FBXO28: variants seen among roughly 807,000 people sequenced by gnomAD.
FBXO28 encodes the protein F-box only protein 28.
FBXO28 carries 8 observed loss-of-function variants against 38.1 expected under a neutral mutation model. The observed-to-expected ratio is 0.21, with a 90% CI of 0.12 to 0.38. The LOEUF is 0.38. Ranked by LOEUF, FBXO28 falls within the 10% of genes least tolerant of loss-of-function variation. The probability of loss-of-function intolerance (pLI) is 1.00; values close to 1 mark genes in which losing one functional copy is unlikely to be tolerated. For synonymous variants in FBXO28, 168 were observed against 173.8 expected (o/e 0.97, Z 0.26); for missense variants, 345 against 460.6 (o/e 0.75, Z 2.30).
chr1:224,149,989 A>G (rs1657602357), intron 3 of FBXO28, among the ~76,000 whole-genome samples: 1 of 152,256 alleles, frequency 6.6e-6, no homozygotes, highest in African/African-American at 2.4e-5. Flanking sequence ...GCCAGTTTGT[A>G]TCTATAGATG....
chr1:224,140,882 G>A (rs1050919599), intron 3 of FBXO28, among the ~76,000 whole-genome samples: 53 of 151,136 alleles, frequency 3.5e-4, no homozygotes, highest in African/African-American at 1.2e-3. Flanking sequence ...GGAGGTGGAG[G>A]TTGCAGTGAG....
intron 1 of FBXO28, among the ~76,000 whole-genome samples, chr1:224,119,960 C>A (rs3754091): frequency 0.25 from 38,259 of 151,998 alleles, 5,053 homozygotes; most frequent in East Asian, 0.47. Flanking sequence ...TTGAGAACCT[C>A]CAGGGCTGAC....
intron 3 of FBXO28, among the ~76,000 whole-genome samples, chr1:224,138,288 CTT>C (rs1167643819): frequency 6.6e-6 from 1 of 151,676 alleles, no homozygotes; most frequent in Admixed American, 6.6e-5. Flanking sequence ...AATCAGCAAA[CTT>C]TTTTTGGTAA....
intron 3 of FBXO28, among the ~76,000 whole-genome samples, chr1:224,143,562 C>T (rs1273855421): frequency 2.6e-5 from 4 of 152,158 alleles, no homozygotes; most frequent in South Asian, 2.1e-4. Flanking sequence ...TGGTGGCTCA[C>T]GCCTGTAATC....
rs144729070 is a variant in FBXO28, at chr1:224,134,052, TTTA to T, written c.378-5_378-3del. On this transcript the variant is annotated intron_variant, in intron 2 of 4. Transcript: ENST00000366862. ...ATACTGCTTTAATGGTTGCCTTGCT[TTTA>T]TTATTATTATTATTATAGGAGAGAG... 6.5e-3 allele frequency: 9,263 copies of T among 1,421,710 alleles called. 45 individuals carry two copies. The highest frequency in any genetic ancestry group is 0.025 in the African/African-American group (1,737 of 68,150). The allele number at this position is 1,421,710 out of a possible 1,614,324, so 88.1% of individuals were successfully genotyped here.
In FBXO28 at chr1:224,161,332, A is replaced by T. The variant is rs1657902457; in HGVS notation, c.*3586A>T. 6.6e-6 allele frequency: 1 copy of T among 152,218 alleles called. No individual in the cohort carries two copies. Among genetic ancestry groups the T allele is most frequent in the Admixed American group, 6.5e-5 (1 of 15,270 alleles). 9.4% of individuals were successfully genotyped at this position (152,218 alleles called of 1,614,324 possible). On this transcript the variant is annotated 3_prime_UTR_variant, in exon 5 of 5. Transcript: ENST00000366862. ...TGAGTACCCATTTGTTACACTTACC[A>T]AACTCTCTAAAAACATATACTGTGA...
At chr1:224,134,337 T>C in intron 3 of FBXO28, 125 bp downstream of exon 3, 1 of 854,722 alleles carries the variant, frequency 1.2e-6, no homozygotes, top group Non-Finnish European at 1.8e-6. Flanking sequence ...ACTAATGAAT[T>C]TGTTTGCTTT....
chr1:224,138,699 A>G (rs1407728805), intron 3 of FBXO28, among the ~76,000 whole-genome samples: 1 of 4,274 alleles, frequency 2.3e-4, no homozygotes, highest in Non-Finnish European at 7.9e-3. Flanking sequence ...TGAAAAAACA[A>G]AACATGTGGA....
At chr1:224,118,663 T>G (rs1251585302) in intron 1 of FBXO28, among the ~76,000 whole-genome samples, 2 of 151,762 alleles carry the variant, frequency 1.3e-5, no homozygotes, top group African/African-American at 4.9e-5. Flanking sequence ...AGTTATAGAG[T>G]GGGTTGGTTG....
intron 1 of FBXO28, among the ~76,000 whole-genome samples, chr1:224,123,663 A>G (rs114191267): frequency 0.018 from 2,778 of 152,184 alleles, 91 homozygotes; most frequent in African/African-American, 0.06. Flanking sequence ...AGTTGAGCAT[A>G]CCATATTTCA....
intron 3 of FBXO28, among the ~76,000 whole-genome samples, chr1:224,138,631 A>G (rs1480605954): frequency 2.6e-5 from 4 of 151,984 alleles, no homozygotes; most frequent in South Asian, 4.1e-4. Flanking sequence ...CAGTTCACAT[A>G]TACTGACACA....
At chr1:224,134,937 A>G (rs1360596165) in intron 3 of FBXO28, among the ~76,000 whole-genome samples, 1 of 152,218 alleles carries the variant, frequency 6.6e-6, no homozygotes, top group Non-Finnish European at 1.5e-5. Flanking sequence ...ATTAATATCT[A>G]GTAAAATCTG....
intron 1 of FBXO28, among the ~76,000 whole-genome samples, chr1:224,129,643 A>G (rs916027575): frequency 6.6e-6 from 1 of 152,202 alleles, no homozygotes; most frequent in Admixed American, 6.5e-5. Context: ...AAAGTAAATG[A>G]TACTTTTTTG....
chr1:224,141,238 C>T (rs113423065), intron 3 of FBXO28, among the ~76,000 whole-genome samples: 2 of 151,170 alleles, frequency 1.3e-5, no homozygotes, highest in East Asian at 2.0e-4. Context: ...TTTGGGAGGC[C>T]GAGGTGGGCG....
At chr1:224,145,940 C>T (rs1657493516) in intron 3 of FBXO28, among the ~76,000 whole-genome samples, 1 of 152,062 alleles carries the variant, frequency 6.6e-6, no homozygotes, top group South Asian at 2.1e-4. Flanking sequence ...GTGGTGCAAG[C>T]GTGTAATCCC....
At chr1:224,120,337 T>A (rs2102609338) in intron 1 of FBXO28, among the ~76,000 whole-genome samples, 1 of 152,360 alleles carries the variant, frequency 6.6e-6, no homozygotes, top group South Asian at 2.1e-4. Flanking sequence ...AGAAAATATT[T>A]GTACCTTTGG....
chr1:224,142,530 AT>A (rs1657384140), intron 3 of FBXO28, among the ~76,000 whole-genome samples: 1 of 151,056 alleles, frequency 6.6e-6, no homozygotes, highest in African/African-American at 2.4e-5. Context: ...AGAAAAAAAA[AT>A]CAGGCTGGGC....
chr1:224,154,226 G>C (rs1018482643), intron 4 of FBXO28, among the ~76,000 whole-genome samples: 2 of 152,172 alleles, frequency 1.3e-5, no homozygotes, highest in African/African-American at 2.4e-5. Context: ...AAATTATCTA[G>C]CAAAGCCTAT....
rs1384275449 is a variant in FBXO28 at position 224,131,208 on chromosome 1, TA to T, written c.377+628del. On this transcript the variant is annotated intron_variant, in intron 2 of 4. Transcript: ENST00000366862. ...AGATGAATCTACACATTCAGTGTGA[TA>T]GGGGTTGACAATAAGGTACAATATG... Among the ~76,000 whole-genome samples the T allele has an allele frequency of 4.6e-5, 7 of 152,294 alleles. No individual in the cohort carries two copies. The East Asian group carries it at 1.2e-3, about 25-fold the overall frequency.
Sources: gnomAD v4.1 joint callset for allele counts (sites outside exome capture counted in the v4.1 genomes callset) on GRCh38, gnomAD v4.1.1 for gene constraint, MANE v1.5 for transcripts, NCBI Gene and HGNC (gene_info 2026-07-23, HGNC 2026-07-21) for gene names.